Variants in SRRM2 observed in about 807,000 individuals in gnomAD.
SRRM2 encodes serine/arginine repetitive matrix protein 2.
Under a neutral mutation model 213.8 loss-of-function variants are expected in SRRM2, and 30 were observed. The ratio of observed to expected loss-of-function variants is 0.14; its 90% CI spans 0.10 to 0.19. The LOEUF (loss-of-function observed/expected upper bound fraction) is 0.19. SRRM2 is among the 10% of genes least tolerant of loss of function. SRRM2 has a pLI of 1.00. For missense variants in SRRM2, 4,904 were observed against 3,647.0 expected, an observed-to-expected ratio of 1.34 and a Z score of -8.88; for synonymous variants, 2,025 against 1,377.7, an observed-to-expected ratio of 1.47 and a Z score of -10.40.
At position 2,771,223 on chromosome 16, in the gene SRRM2, G is replaced by C; in HGVS notation, c.*356G>C. The C allele has an allele frequency of 4.4e-6, 3 of 678,780 alleles. No individual in the cohort carries two copies. The highest frequency in any genetic ancestry group is 7.8e-6 in the Non-Finnish European group (3 of 385,790). The allele number at this position is 678,780 out of a possible 1,614,324, so 42.0% of individuals were successfully genotyped here. ...CAGGGGTGATTGTGATGGTGGTTGGGACTGGAGGTTGTATAAGGTGTTCTT... is the reference window on the plus strand; with the variant it reads ...CAGGGGTGATTGTGATGGTGGTTGGCACTGGAGGTTGTATAAGGTGTTCTT... On this transcript the variant is annotated 3_prime_UTR_variant, in exon 15 of 15. Coordinates refer to ENST00000301740, the MANE Select transcript of SRRM2 (RefSeq NM_016333.4).
chr16:2,758,005 ATT>A lies in SRRM2; in HGVS notation c.515+64_515+65del, dbSNP rs1451833828. On this transcript the variant is annotated intron_variant, in intron 4 of 14. Coordinates refer to ENST00000301740, the MANE Select transcript of SRRM2 (RefSeq NM_016333.4). ...TTCTTGATTGTAAGCTCCATGCTCT[ATT>A]TTTGTCTTTTTGCGGGCTGGTTTCT... is the stretch of plus-strand genomic sequence containing the variant. 9 of 1,547,908 alleles carry A rather than the reference ATT, an allele frequency of 5.8e-6. No individual in the cohort carries two copies. The Admixed American group carries it at 1.7e-4, about 29-fold the overall frequency.
At chr16:2,758,408 TAA>T (rs2068224361) in intron 4 of SRRM2, 60 bp from the exon 5 acceptor site, 1 of 1,389,404 alleles carries the variant, frequency 7.2e-7, no homozygotes, top group South Asian at 1.2e-5. Flanking sequence ...CTCTGTCTTT[TAA>T]AGAAAAGAAA....
chr16:2,765,621 C>G lies in SRRM2; in HGVS notation c.5093C>G (p.Thr1698Arg), dbSNP rs1405797982. 6.2e-7 allele frequency: 1 copy of G among 1,614,180 alleles called. No individual in the cohort carries two copies. Among genetic ancestry groups the G allele is most frequent in the Non-Finnish European group, 8.5e-7 (1 of 1,180,036 alleles). Residue 1698 changes from threonine (T) to arginine (R), a missense_variant, in exon 11 of 15, where the codon ACA becomes AGA. Physicochemically the swap from Thr to Arg is moderately conservative, Grantham distance 71. Transcript: ENST00000301740. ...RRSSRSSPEL[T>R]RKARLSRRSR... is the part of the protein sequence containing the mutation. ...AGCTCTCGATCATCTCCGGAGCTAA[C>G]AAGGAAGGCCAGACTGTCCCGTAGA...
chr16:2,767,256 C>G lies in SRRM2; in HGVS notation c.6728C>G (p.Ala2243Gly). The G allele has an allele frequency of 3.1e-6, 5 of 1,614,110 alleles. No homozygotes were observed. In the Middle Eastern group the frequency reaches 6.6e-4, roughly 213 times the overall value. ...PAASAAAMNL[A>G]SARTPAIPTA... The stretch of plus-strand genomic sequence containing the variant: ...GCCTCTGCGGCAGCCATGAACCTAG[C>G]CAGCGCCAGGACACCTGCCATTCCA... The change falls in exon 11 of 15, where the codon GCC becomes GGC. Residue 2243 changes from alanine (A) to glycine (G), a missense_variant. By Grantham distance (60) the Ala-to-Gly change is moderately conservative. Coordinates refer to ENST00000301740, the MANE Select transcript of SRRM2 (RefSeq NM_016333.4).
rs994500776 is a variant in SRRM2, at chr16:2,764,215, G to A, written c.3687G>A (p.Leu1229=). 6.2e-7 allele frequency: 1 copy of A among 1,614,200 alleles called. No individual in the cohort carries two copies. Among genetic ancestry groups the A allele is most frequent in the Admixed American group, 1.7e-5 (1 of 60,018 alleles). ...SPETKEQNSA[L]PTSSQDEELM... ...AAACAAAAGAGCAAAATAGTGCATTGCCTACGTCAAGCCAAGATGAAGAGT... is the reference window on the plus strand; with the variant it reads ...AAACAAAAGAGCAAAATAGTGCATTACCTACGTCAAGCCAAGATGAAGAGT... The change falls in exon 11 of 15, where the codon TTG becomes TTA. Residue 1229 remains leucine (L), a synonymous_variant. Transcript: ENST00000301740.
rs1567235719 is a variant in SRRM2, at chr16:2,765,010, G to A, written c.4482G>A (p.Arg1494=). Residue 1494 remains arginine, a synonymous_variant, in exon 11 of 15, where the codon AGG becomes AGA. Transcript: ENST00000301740. ...CGAAAGCTTTGCCTCAGACTCCTAG[G>A]CCGAGGAGTCGTTCTCCATCATCCC... ...PEPKALPQTP[R]PRSRSPSSPE... 9 of 1,613,980 alleles carry A rather than the reference G, an allele frequency of 5.6e-6. No homozygotes were observed. The South Asian group carries it at 9.9e-5, about 18-fold the overall frequency.
chr16:2,768,251 G>C lies in SRRM2; in HGVS notation c.7723G>C (p.Ala2575Pro). The C allele has an allele frequency of 6.4e-7, 1 of 1,552,378 alleles. No homozygotes were observed. Among genetic ancestry groups the C allele is most frequent in the African/African-American group, 1.4e-5 (1 of 72,788 alleles). ...GSSLPVQPEV[A>P]LKRVPSPTPA... is the part of the protein sequence containing the mutation. ...TAGCCTTCCTGTGCAACCTGAGGTG[G>C]CACTGAAGAGGTGAGGGAGCTTGAC... The change falls in exon 11 of 15, where the codon GCA (alanine) becomes CCA (proline). Residue 2575 changes from alanine to proline, a missense_variant. By Grantham distance (27) the Ala-to-Pro change is conservative (BLOSUM62 -1). Coordinates refer to ENST00000301740, the MANE Select transcript of SRRM2 (RefSeq NM_016333.4).
In SRRM2 at chr16:2,767,775, A is replaced by T. The variant is rs1231296633; in HGVS notation, c.7247A>T (p.Gln2416Leu). Residue 2416 changes from glutamine to leucine, a missense_variant, in exon 11 of 15, where the codon CAA becomes CTA. Transcript: ENST00000301740. ...AGAACACCACCGTCTGCCCCAAGCC[A>T]ATCTAGGATGACCTCTGAACGGGCT... is the stretch of plus-strand genomic sequence containing the variant. ...RSRTPPSAPS[Q>L]SRMTSERAPS... 2 of 1,613,310 alleles carry T rather than the reference A, an allele frequency of 1.2e-6. No homozygotes were observed. The highest frequency in any genetic ancestry group is 4.5e-5 in the East Asian group (2 of 44,864).
chr16:2,759,354 C>G lies in SRRM2; in HGVS notation c.692C>G (p.Ser231Cys), dbSNP rs1567223217. ...ESESKKRKHR[S>C]PTPKSKRKSK... ...AACAACCTTTCCTTATTTCCCAGGT[C>G]TCCCACTCCAAAGAGCAAACGTAAA... is the stretch of plus-strand genomic sequence containing the variant. The change falls in exon 8 of 15, where the codon TCT (serine) becomes TGT (cysteine). Residue 231 changes from serine (S) to cysteine (C), a missense_variant and splice_region_variant. Transcript: ENST00000301740. 2 of 1,601,924 alleles carry G rather than the reference C, an allele frequency of 1.2e-6. No homozygotes were observed. The highest frequency in any genetic ancestry group is 1.8e-5 in the Admixed American group (1 of 56,434).
intron 3 of SRRM2, 29 bp from the exon 4 acceptor site, chr16:2,757,752 C>T (rs777751698): frequency 1.1e-5 from 17 of 1,610,724 alleles, no homozygotes; most frequent in South Asian, 3.3e-5. Flanking sequence ...TTTATATTTC[C>T]TTCAGACTTT....
At position 2,755,703 on chromosome 16, in the gene SRRM2, A is replaced by ATG. The variant is rs548014583; in HGVS notation, c.-31-630_-31-629dup. On this transcript the variant is annotated intron_variant, in intron 1 of 14. Transcript: ENST00000301740. Reference sequence around the variant, plus strand: ...AGGTTCATGTGTGTTTCTGATGTGCATGCTGGCCTTTAGTTGGGGTGTGAG... The same window carrying ATG: ...AGGTTCATGTGTGTTTCTGATGTGCATGTGCTGGCCTTTAGTTGGGGTGTGAG... Among the ~76,000 whole-genome samples the ATG allele has an allele frequency of 2.9e-3, 446 of 152,358 alleles. 1 individual carries two copies. Among genetic ancestry groups the ATG allele is most frequent in the Non-Finnish European group, 4.4e-3 (301 of 68,034 alleles).
chr16:2,762,117 G>A lies in SRRM2; in HGVS notation c.1589G>A (p.Arg530Gln), dbSNP rs771328682. 8.7e-6 allele frequency: 14 copies of A among 1,614,120 alleles called. No homozygotes were observed. Among genetic ancestry groups the A allele is most frequent in the East Asian group, 2.2e-5 (1 of 44,882 alleles). The change falls in exon 11 of 15, where the codon CGA (arginine) becomes CAA (glutamine). Residue 530 changes from arginine (R) to glutamine (Q), a missense_variant. Coordinates refer to ENST00000301740, the MANE Select transcript of SRRM2 (RefSeq NM_016333.4). ...QRWGRSRSPQ[R>Q]RGRSRSPQRP... ...TGGGGAAGATCTAGAAGCCCCCAGCGACGTGGCCGCTCTAGGTCTCCTCAG... is the reference window on the plus strand; with the variant it reads ...TGGGGAAGATCTAGAAGCCCCCAGCAACGTGGCCGCTCTAGGTCTCCTCAG...
rs541886234 is a variant in SRRM2, at chr16:2,765,042, TCAA to T, written c.4521_4523del (p.Asn1507del). The T allele has an allele frequency of 1.6e-4, 259 of 1,613,948 alleles. 4 individuals carry two copies. The South Asian group carries it at 1.9e-3, about 12-fold the overall frequency. On this transcript the variant is annotated inframe_deletion, in exon 11 of 15. Transcript: ENST00000301740. Reference sequence around the variant, plus strand: ...AGTCGTTCTCCATCATCCCCAGAGCTCAACAACAAGTGTCTTACCCCCCAGAGA... The same window carrying T: ...AGTCGTTCTCCATCATCCCCAGAGCTCAACAAGTGTCTTACCCCCCAGAGA...
Position 2,762,938 on chromosome 16 carries a change from C to A in SRRM2, c.2410C>A (p.Pro804Thr), listed in dbSNP as rs2240140. The A allele has an allele frequency of 0.58, 933,781 of 1,613,838 alleles. 282,686 individuals carry two copies. Among genetic ancestry groups the A allele is most frequent in the Admixed American group, 0.71 (42,444 of 59,996 alleles). Residue 804 changes from proline to threonine, a missense_variant, in exon 11 of 15, where the codon CCT (proline) becomes ACT (threonine). Coordinates refer to ENST00000301740, the MANE Select transcript of SRRM2 (RefSeq NM_016333.4). Reference protein sequence around the residue: ...PRRSRSGSSQPKAKSRTPPRR... With the variant: ...PRRSRSGSSQTKAKSRTPPRR... Reference sequence around the variant, plus strand: ...GCGCAGTCGCTCTGGATCCTCCCAACCTAAAGCTAAATCTAGAACGCCACC... The same window carrying A: ...GCGCAGTCGCTCTGGATCCTCCCAAACTAAAGCTAAATCTAGAACGCCACC...
At chr16:2,755,389 G>A (rs564487419) in intron 1 of SRRM2, among the ~76,000 whole-genome samples, 471 of 152,274 alleles carry the variant, frequency 3.1e-3, no homozygotes, top group Non-Finnish European at 5.9e-3. Flanking sequence ...ATTAATGAAA[G>A]TGGGGTGTAG....
intron 5 of SRRM2, 59 bp downstream of exon 5, chr16:2,758,606 C>T: frequency 1.3e-6 from 2 of 1,528,732 alleles, no homozygotes; most frequent in East Asian, 2.2e-5. Context: ...GTGTACCTTT[C>T]TCTCTGGAAG....
At position 2,766,678 on chromosome 16, in the gene SRRM2, C is replaced by T. The variant is rs267604488; in HGVS notation, c.6150C>T (p.Ile2050=). The change falls in exon 11 of 15, where the codon ATC becomes ATT. Residue 2050 remains isoleucine (I), a synonymous_variant. Transcript: ENST00000301740. The surrounding 1 kb of genome is among the most constrained non-coding windows in gnomAD (Gnocchi z 7.0). ...KRSRSRSPLA[I]RRRSRSRTPR... ...CTCGAAGTCGCTCACCACTTGCTAT[C>T]CGCCGCCGCTCCAGATCCCGTACTC... 2 of 1,612,960 alleles carry T rather than the reference C, an allele frequency of 1.2e-6. No homozygotes were observed. Among genetic ancestry groups the T allele is most frequent in the Admixed American group, 1.7e-5 (1 of 59,862 alleles).
Position 2,762,460 on chromosome 16 carries a change from T to G in SRRM2, c.1932T>G (p.Ser644Arg). The G allele has an allele frequency of 1.9e-6, 3 of 1,612,936 alleles. No individual in the cohort carries two copies. Among genetic ancestry groups the G allele is most frequent in the Non-Finnish European group, 1.7e-6 (2 of 1,179,696 alleles). Residue 644 changes from serine (S) to arginine (R), a missense_variant, in exon 11 of 15, where the codon AGT becomes AGG. Coordinates refer to ENST00000301740, the MANE Select transcript of SRRM2 (RefSeq NM_016333.4). ...RSRSRSPARR[S>R]GRSRSRTPAR... ...GTAGTAGATCACCAGCCAGGAGAAG[T>G]GGCAGGTCACGCTCTAGAACCCCAG...
chr16:2,765,466 C>T lies in SRRM2; in HGVS notation c.4938C>T (p.Gly1646=), dbSNP rs139031697. 3.5e-5 allele frequency: 57 copies of T among 1,614,050 alleles called. No homozygotes were observed. Among genetic ancestry groups the T allele is most frequent in the Non-Finnish European group, 4.6e-5 (54 of 1,180,040 alleles). The change falls in exon 11 of 15, where the codon GGC becomes GGT. Residue 1646 remains glycine (G), a synonymous_variant. Transcript: ENST00000301740. ...SRSGSSSKGR[G]PSPEGSSSTE... ...CAGGTTCATCAAGCAAAGGCAGAGG[C>T]CCTTCTCCTGAAGGAAGCAGCAGTA...
Sources: allele counts gnomAD v4.1 joint callset (sites outside exome capture counted in the v4.1 genomes callset), GRCh38; gene constraint gnomAD v4.1.1; non-coding constraint Gnocchi (gnomAD v3.1); transcripts MANE v1.5; gene names NCBI Gene and HGNC (gene_info 2026-07-23, HGNC 2026-07-21).